TBC1D22A: variants seen among roughly 807,000 people sequenced by gnomAD.
The protein encoded by TBC1D22A is putative GTPase activator.
Under a neutral mutation model 60.2 loss-of-function variants are expected in TBC1D22A, and 38 were observed. The observed-to-expected ratio is 0.63, with a 90% CI of 0.49 to 0.83. TBC1D22A has a LOEUF of 0.83. Ranked by LOEUF, TBC1D22A falls within the 40% of genes least tolerant of loss-of-function variation. The probability of loss-of-function intolerance (pLI) is 0.00; values close to 1 mark genes in which losing one functional copy is unlikely to be tolerated. For missense variants in TBC1D22A, 628 were observed against 701.0 expected (o/e 0.90, Z 1.18); for synonymous variants, 302 against 281.7 (o/e 1.07, Z -0.72).
chr22:46,890,901 A>G (rs1366009782), intron 5 of TBC1D22A, among the ~76,000 whole-genome samples: 2 of 152,210 alleles, frequency 1.3e-5, no homozygotes, highest in Admixed American at 6.5e-5. Context: ...CCTGTCTGGT[A>G]TATGAGGCCT....
intron 3 of TBC1D22A, 108 bp from the exon 4 acceptor site, chr22:46,797,336 G>T: frequency 7.9e-7 from 1 of 1,261,922 alleles, no homozygotes; most frequent in South Asian, 1.3e-5. Flanking sequence ...CTGAGTGATG[G>T]GAAGAAGGGA....
chr22:46,913,685 G>C (rs917256178), intron 8 of TBC1D22A: 16 of 985,306 alleles, frequency 1.6e-5, no homozygotes, highest in Non-Finnish European at 1.8e-5. Context: ...GTAGACTTCA[G>C]AGTTGTTAAT....
chr22:46,977,221 T>G (rs1158430324), intron 9 of TBC1D22A, among the ~76,000 whole-genome samples: 1 of 152,218 alleles, frequency 6.6e-6, no homozygotes, highest in Non-Finnish European at 1.5e-5. Flanking sequence ...CACATCTATT[T>G]TTTTTACCTT....
At chr22:46,892,539 C>T (rs79525001) in intron 6 of TBC1D22A, among the ~76,000 whole-genome samples, 2,228 of 152,252 alleles carry the variant, frequency 0.015, 57 homozygotes, top group African/African-American at 0.05. Context: ...CGCACTGGAC[C>T]GCCACCCAGT....
intron 12 of TBC1D22A, among the ~76,000 whole-genome samples, chr22:47,120,182 A>G (rs2066221438): frequency 6.6e-6 from 1 of 152,190 alleles, no homozygotes. Context: ...ATGATACCTT[A>G]AGAGATTCAG....
chr22:46,797,389 A>G, intron 3 of TBC1D22A, 55 bp from the exon 4 acceptor site: 1 of 1,590,212 alleles, frequency 6.3e-7, no homozygotes, highest in Non-Finnish European at 8.6e-7. Context: ...GCAAGGAGGA[A>G]CGTGTAGTCG....
chr22:46,791,867 T>C (rs2084424610), intron 1 of TBC1D22A, among the ~76,000 whole-genome samples: 1 of 152,190 alleles, frequency 6.6e-6, no homozygotes, highest in African/African-American at 2.4e-5. Flanking sequence ...TTCAAGCCAT[T>C]CTTCTGCCTC....
intron 8 of TBC1D22A, chr22:46,913,422 C>A (rs1486654546): frequency 7.3e-7 from 1 of 1,366,022 alleles, no homozygotes; most frequent in Admixed American, 1.9e-5. Flanking sequence ...AACAGATTAT[C>A]CTCAGAAGAT....
chr22:47,086,052 A>T (rs907711897), intron 11 of TBC1D22A, among the ~76,000 whole-genome samples: 11 of 152,220 alleles, frequency 7.2e-5, no homozygotes, highest in African/African-American at 2.7e-4. Flanking sequence ...ATTTAGTAGA[A>T]TGTGTGAAAT....
chr22:46,969,548 G>A (rs2073964717), intron 8 of TBC1D22A, among the ~76,000 whole-genome samples: 1 of 152,254 alleles, frequency 6.6e-6, no homozygotes, highest in Non-Finnish European at 1.5e-5. Context: ...AAGAAGGCAA[G>A]CGAGATGGTT....
At chr22:47,126,142 C>T (rs926736411) in intron 12 of TBC1D22A, among the ~76,000 whole-genome samples, 2 of 152,144 alleles carry the variant, frequency 1.3e-5, no homozygotes, top group Non-Finnish European at 2.9e-5. Context: ...CTACCACGCC[C>T]GTCTAATTTT....
At chr22:46,909,405 T>C (rs1054105348) in intron 7 of TBC1D22A, among the ~76,000 whole-genome samples, 1 of 152,012 alleles carries the variant, frequency 6.6e-6, no homozygotes, top group Non-Finnish European at 1.5e-5. Flanking sequence ...CCAGGGTGCG[T>C]GCTCCTGGGG....
At chr22:46,902,088 C>T (rs2069037840) in intron 7 of TBC1D22A, among the ~76,000 whole-genome samples, 1 of 152,200 alleles carries the variant, frequency 6.6e-6, no homozygotes, top group African/African-American at 2.4e-5. Context: ...GTTAGGTGGA[C>T]ACGGTGAAGA....
intron 9 of TBC1D22A, among the ~76,000 whole-genome samples, chr22:46,992,263 A>G (rs2074971598): frequency 1.3e-5 from 2 of 152,250 alleles, no homozygotes; most frequent in South Asian, 4.1e-4. Context: ...GCGGAGTCAC[A>G]CAGGACACGC....
intron 8 of TBC1D22A, among the ~76,000 whole-genome samples, chr22:46,958,595 C>A (rs544541763): frequency 6.6e-6 from 1 of 152,360 alleles, no homozygotes; most frequent in Admixed American, 6.5e-5. Flanking sequence ...TCCGTGTCTA[C>A]TTGGCACAAG....
At chr22:46,996,677 C>T (rs2148230478) in intron 9 of TBC1D22A, among the ~76,000 whole-genome samples, 1 of 152,130 alleles carries the variant, frequency 6.6e-6, no homozygotes, top group Non-Finnish European at 1.5e-5. Flanking sequence ...GAAAATGCCC[C>T]CGACCACCGG....
intron 8 of TBC1D22A, among the ~76,000 whole-genome samples, chr22:46,935,406 A>G (rs76634295): frequency 6.6e-6 from 1 of 152,360 alleles, no homozygotes; most frequent in African/African-American, 2.4e-5. Flanking sequence ...CCTCTGGGTT[A>G]CTGAGTTCGC....
At chr22:47,094,380 G>A (rs1033022981) in intron 11 of TBC1D22A, among the ~76,000 whole-genome samples, 5 of 152,166 alleles carry the variant, frequency 3.3e-5, no homozygotes, top group African/African-American at 1.2e-4. Context: ...AATGTGCGTG[G>A]GTCTCATCCC....
At chr22:46,978,235 A>G (rs1180073680) in intron 9 of TBC1D22A, among the ~76,000 whole-genome samples, 7 of 152,248 alleles carry the variant, frequency 4.6e-5, no homozygotes, top group Non-Finnish European at 7.3e-5. Context: ...ACTCTGCACT[A>G]CAAACATTAT....
Sources: allele counts gnomAD v4.1 joint callset (sites outside exome capture counted in the v4.1 genomes callset), GRCh38; gene constraint gnomAD v4.1.1; transcripts MANE v1.5; gene names NCBI Gene and HGNC (gene_info 2026-07-23, HGNC 2026-07-21).